The following VWDE variants were observed in gnomAD, a reference collection of about 807,000 sequenced individuals.
VWDE encodes von Willebrand factor D and EGF domain-containing protein.
Under a neutral mutation model 178.4 loss-of-function variants are expected in VWDE, and 207 were observed. That is an observed-to-expected ratio of 1.16 (90% CI 1.04 to 1.30). The LOEUF (loss-of-function observed/expected upper bound fraction) is 1.30. Ranked by LOEUF, VWDE falls within the 50% of genes most tolerant of loss-of-function variation. VWDE has a pLI of 0.00. For missense variants in VWDE, 2,287 were observed against 1,901.3 expected, an observed-to-expected ratio of 1.20 and a Z score of -3.77; for synonymous variants, 738 against 651.4, an observed-to-expected ratio of 1.13 and a Z score of -2.02.
intron 19 of VWDE, among the ~76,000 whole-genome samples, chr7:12,348,490 G>A (rs1421729177): frequency 2.0e-5 from 3 of 150,028 alleles, no homozygotes; most frequent in Non-Finnish European, 3.0e-5. Context: ...CATCATCACT[G>A]GCCATCAGAG....
At chr7:12,399,014 A>G (rs1057007215) in intron 1 of VWDE, among the ~76,000 whole-genome samples, 5 of 152,138 alleles carry the variant, frequency 3.3e-5, no homozygotes, top group African/African-American at 1.2e-4. Flanking sequence ...CCTTTGTAAC[A>G]AACCTGCACA....
At chr7:12,363,147 T>C (rs1782676513) in intron 13 of VWDE, among the ~76,000 whole-genome samples, 1 of 151,946 alleles carries the variant, frequency 6.6e-6, no homozygotes, top group South Asian at 2.1e-4. Context: ...AAATAAGATA[T>C]AATACAAAAG....
intron 2 of VWDE, among the ~76,000 whole-genome samples, chr7:12,390,712 G>T (rs1469461346): frequency 6.6e-6 from 1 of 151,722 alleles, no homozygotes; most frequent in Admixed American, 6.6e-5. Flanking sequence ...GTACAAATAG[G>T]TAATTCACAA....
chr7:12,397,743 T>C (rs1289118596), intron 1 of VWDE, among the ~76,000 whole-genome samples: 1 of 152,060 alleles, frequency 6.6e-6, no homozygotes, highest in African/African-American at 2.4e-5. Flanking sequence ...CATTGAAAAG[T>C]GGGCAAAAGA....
intron 2 of VWDE, 23 bp downstream of exon 2, chr7:12,393,571 C>A: frequency 6.8e-7 from 1 of 1,476,768 alleles, no homozygotes; most frequent in Non-Finnish European, 9.0e-7. Flanking sequence ...AAATAACATG[C>A]AGTACTTAGG....
chr7:12,368,105 C>T (rs1782960659), intron 12 of VWDE, among the ~76,000 whole-genome samples: 1 of 151,308 alleles, frequency 6.6e-6, no homozygotes, highest in African/African-American at 2.4e-5. Context: ...TTACTTCAGT[C>T]CATACTTTCA....
intron 19 of VWDE, among the ~76,000 whole-genome samples, chr7:12,347,628 C>T (rs185843561): frequency 6.6e-6 from 1 of 151,964 alleles, no homozygotes; most frequent in Admixed American, 6.6e-5. Context: ...GATATTTAAT[C>T]GTGAAAATGG....
intron 23 of VWDE, 57 bp downstream of exon 23, chr7:12,342,002 C>T: frequency 1.5e-6 from 2 of 1,379,172 alleles, no homozygotes; most frequent in Non-Finnish European, 2.0e-6. Context: ...GTCTTCAGGA[C>T]ATTGGCATAT....
intron 28 of VWDE, among the ~76,000 whole-genome samples, chr7:12,332,466 G>C (rs73290474): frequency 0.019 from 2,835 of 152,150 alleles, 84 homozygotes; most frequent in African/African-American, 0.064. Flanking sequence ...ATATAGAGCA[G>C]CCACCTAGTT....
chr7:12,380,548 T>A lies in VWDE; in HGVS notation c.727A>T (p.Thr243Ser), dbSNP rs2128558550. The A allele has an allele frequency of 6.4e-7, 1 of 1,552,098 alleles. No homozygotes were observed. The highest frequency in any genetic ancestry group is 2.4e-5 in the East Asian group (1 of 40,918). ...QEVKEELTQE[T>S]TVQAFSLLEL... ...AAAAGAGAGAATGCCTGAACTGTGG[T>A]CTCTTGTGTCAGCTCCTCTTTGACT... Residue 243 changes from threonine (T) to serine (S), a missense_variant, in exon 5 of 29, where the codon ACC (threonine) becomes TCC (serine). Physicochemically the swap from Thr to Ser is moderately conservative, Grantham distance 58. Transcript: ENST00000275358.
At chr7:12,367,971 A>C (rs954786360) in intron 12 of VWDE, among the ~76,000 whole-genome samples, 1 of 152,050 alleles carries the variant, frequency 6.6e-6, no homozygotes, top group Non-Finnish European at 1.5e-5. Context: ...TGTAAAAATT[A>C]TTAAACCCCT....
At position 12,336,206 on chromosome 7, in the gene VWDE, C is replaced by T. The variant is rs544895591; in HGVS notation, c.4589G>A (p.Gly1530Asp). The T allele has an allele frequency of 4.5e-6, 7 of 1,551,312 alleles. No individual in the cohort carries two copies. Among genetic ancestry groups the T allele is most frequent in the East Asian group, 4.9e-5 (2 of 40,844 alleles). ...PICLQKCKNG[G>D]ECIAPSICHC... ...GCATATGCTGGGCGCAATGCATTCACCACCGTTTTTACATTTCTGCAAGCA... is the reference window on the plus strand; with the variant it reads ...GCATATGCTGGGCGCAATGCATTCATCACCGTTTTTACATTTCTGCAAGCA... The change falls in exon 27 of 29, where the codon GGT (glycine) becomes GAT (aspartate). Residue 1530 changes from glycine to aspartate, a missense_variant. Gly to Asp is a moderately conservative substitution (Grantham distance 94, BLOSUM62 -1). Coordinates refer to ENST00000275358, the MANE Select transcript of VWDE (RefSeq NM_001135924.3).
At chr7:12,397,103 C>T (rs1583359448) in intron 1 of VWDE, among the ~76,000 whole-genome samples, 1 of 151,612 alleles carries the variant, frequency 6.6e-6, no homozygotes, top group East Asian at 1.9e-4. Context: ...AAAAGTGTCC[C>T]AATAGCAAAA....
chr7:12,394,953 C>G (rs1784555765), intron 1 of VWDE, among the ~76,000 whole-genome samples: 1 of 152,120 alleles, frequency 6.6e-6, no homozygotes, highest in Admixed American at 6.6e-5. Context: ...ACAAGTGGAT[C>G]TCACAAGTGT....
intron 13 of VWDE, among the ~76,000 whole-genome samples, chr7:12,366,449 G>A (rs976281174): frequency 5.3e-5 from 8 of 152,034 alleles, no homozygotes; most frequent in African/African-American, 1.9e-4. Context: ...ATTCTGCCAT[G>A]ACTATTACAA....
At position 12,342,044 on chromosome 7, in the gene VWDE, T is replaced by C; in HGVS notation, c.4270+15A>G. The C allele has an allele frequency of 1.9e-6, 3 of 1,542,056 alleles. No homozygotes were observed. Among genetic ancestry groups the C allele is most frequent in the Non-Finnish European group, 2.6e-6 (3 of 1,138,912 alleles). ...TTTTAATTGACATGTTCATTGAAAATATTTCCAATTTTACCTGTACTACAG... is the reference window on the plus strand; with the variant it reads ...TTTTAATTGACATGTTCATTGAAAACATTTCCAATTTTACCTGTACTACAG... On this transcript the variant is annotated intron_variant, in intron 23 of 28. Coordinates refer to ENST00000275358, the MANE Select transcript of VWDE (RefSeq NM_001135924.3).
chr7:12,386,343 T>G (rs1402176114), intron 3 of VWDE, among the ~76,000 whole-genome samples: 1 of 152,224 alleles, frequency 6.6e-6, no homozygotes, highest in Admixed American at 6.5e-5. Flanking sequence ...ATGCTGCCCT[T>G]TCTTAGTAAA....
chr7:12,370,818 C>T lies in VWDE; in HGVS notation c.1634G>A (p.Trp545Ter). 6.4e-7 allele frequency: 1 copy of T among 1,550,956 alleles called. No homozygotes were observed. Among genetic ancestry groups the T allele is most frequent in the South Asian group, 1.2e-5 (1 of 83,986 alleles). ...GGCTCTGATCGTTAGACTCATGCCC[C>T]ATTCACCAAGATCAGCACGGATAAA... ...GAFIRADLGEWGMSLTIRAPS... is the reference protein window; with the variant it reads ...GAFIRADLGE The change falls in exon 11 of 29, where the codon TGG (tryptophan) becomes TAG (stop). Residue 545 changes from tryptophan to a stop codon, truncating the protein, a stop_gained. Coordinates refer to ENST00000275358, the MANE Select transcript of VWDE (RefSeq NM_001135924.3). LOFTEE classifies it high-confidence loss of function.
intron 6 of VWDE, among the ~76,000 whole-genome samples, chr7:12,378,179 C>G (rs897266000): frequency 4.6e-5 from 7 of 152,132 alleles, no homozygotes; most frequent in African/African-American, 1.4e-4. Flanking sequence ...CATATCCAAG[C>G]CTGCCTCAAT....
Sources: gnomAD v4.1 joint callset for allele counts (sites outside exome capture counted in the v4.1 genomes callset) on GRCh38, gnomAD v4.1.1 for gene constraint, MANE v1.5 for transcripts, NCBI Gene and HGNC (gene_info 2026-07-23, HGNC 2026-07-21) for gene names.